PTPRO: variants seen among roughly 807,000 people sequenced by gnomAD.
PTPRO encodes the protein protein tyrosine phosphatase receptor type O.
Under a neutral mutation model 145.2 loss-of-function variants are expected in PTPRO, and 62 were observed. The observed-to-expected ratio is 0.43, with a 90% CI of 0.35 to 0.53. The LOEUF is 0.53. PTPRO is among the 20% of genes least tolerant of loss of function. The pLI is 0.01. For synonymous variants in PTPRO, 565 were observed against 514.7 expected (o/e 1.10, Z -1.32); for missense variants, 1,345 against 1,482.7 (o/e 0.91, Z 1.53).
chr12:15,509,372 C>T (rs201717105), intron 7 of PTPRO, among the ~76,000 whole-genome samples: 15,057 of 95,898 alleles, frequency 0.16, 1,359 homozygotes, highest in African/African-American at 0.3. Flanking sequence ...CGCATTCTTG[C>T]TGAAAAAAAA....
intron 15 of PTPRO, among the ~76,000 whole-genome samples, chr12:15,555,498 CT>C (rs1218496527): frequency 6.6e-6 from 1 of 152,104 alleles, no homozygotes. Flanking sequence ...ATAATTGCCC[CT>C]ATATTAGTGG....
chr12:15,524,774 C>A, intron 10 of PTPRO, 40 bp from the exon 11 acceptor site: 1 of 1,577,998 alleles, frequency 6.3e-7, no homozygotes, highest in South Asian at 1.1e-5. Context: ...TTTATTTATC[C>A]ATCTATTATA....
intron 12 of PTPRO, among the ~76,000 whole-genome samples, chr12:15,536,569 T>G (rs1222411641): frequency 6.6e-6 from 1 of 152,086 alleles, no homozygotes; most frequent in African/African-American, 2.4e-5. Context: ...AAAAGACACT[T>G]TCCTGTGAGT....
chr12:15,492,489 C>T (rs1942019618), intron 2 of PTPRO, among the ~76,000 whole-genome samples: 2 of 151,976 alleles, frequency 1.3e-5, no homozygotes, highest in South Asian at 4.1e-4. Context: ...AGGAGGATCC[C>T]TTGATTCCAG....
intron 1 of PTPRO, among the ~76,000 whole-genome samples, chr12:15,398,128 T>C (rs1195136480): frequency 6.6e-6 from 1 of 152,094 alleles, no homozygotes. Context: ...AAATCTAAAG[T>C]GGTCGTGATG....
At chr12:15,483,071 C>T (rs749994454) in intron 1 of PTPRO, among the ~76,000 whole-genome samples, 17 of 152,076 alleles carry the variant, frequency 1.1e-4, no homozygotes, top group Non-Finnish European at 2.1e-4. Context: ...GCAATTTTTC[C>T]ACCCTGCTAT....
chr12:15,490,666 T>G (rs1941982727), intron 2 of PTPRO, among the ~76,000 whole-genome samples: 1 of 152,152 alleles, frequency 6.6e-6, no homozygotes, highest in African/African-American at 2.4e-5. Context: ...GAGTGCCTAC[T>G]TGGTGGGGGC....
intron 1 of PTPRO, chr12:15,410,788 C>T (rs1389693793): frequency 6.6e-6 from 1 of 152,096 alleles, no homozygotes; most frequent in Non-Finnish European, 1.5e-5. Flanking sequence ...CCACAGTGTC[C>T]TTATTGAAGG....
chr12:15,387,819 G>A (rs1939071907), intron 1 of PTPRO, among the ~76,000 whole-genome samples: 1 of 152,154 alleles, frequency 6.6e-6, no homozygotes, highest in Non-Finnish European at 1.5e-5. Flanking sequence ...TTAAAAGAGT[G>A]GTCTTCAAAC....
At chr12:15,562,911 A>C (rs7974782) in intron 17 of PTPRO, among the ~76,000 whole-genome samples, 8,538 of 152,132 alleles carry the variant, frequency 0.056, 773 homozygotes, top group African/African-American at 0.19. Context: ...GATATAATAT[A>C]CTAAAGTCCT....
At chr12:15,363,753 G>A (rs1367378608) in intron 1 of PTPRO, among the ~76,000 whole-genome samples, 4 of 151,862 alleles carry the variant, frequency 2.6e-5, no homozygotes, top group Admixed American at 6.6e-5. Context: ...ATATGAATTC[G>A]AGGGACTTAC....
At chr12:15,430,901 A>T (rs1343618270) in intron 1 of PTPRO, among the ~76,000 whole-genome samples, 4 of 152,210 alleles carry the variant, frequency 2.6e-5, no homozygotes, top group Admixed American at 1.3e-4. Flanking sequence ...AGCACTCTGA[A>T]GCTGAATTCA....
chr12:15,453,029 T>C (rs886487493), intron 1 of PTPRO, among the ~76,000 whole-genome samples: 2 of 152,194 alleles, frequency 1.3e-5, no homozygotes, highest in Non-Finnish European at 2.9e-5. Context: ...ATCCCTTTTT[T>C]TTTCTTGGTA....
At position 15,563,538 on chromosome 12, in the gene PTPRO, T is replaced by G. The variant is rs550856524; in HGVS notation, c.2712-2055T>G. Among the ~76,000 whole-genome samples, 29 of 152,026 alleles carry G rather than the reference T, an allele frequency of 1.9e-4. 1 individual carries two copies. Among genetic ancestry groups the G allele is most frequent in the Non-Finnish European group, 3.4e-4 (23 of 67,984 alleles). On this transcript the variant is annotated intron_variant, in intron 17 of 26. Transcript: ENST00000281171. ...AATCAGCAAGATCTAAATAGAACAATGAAAATTGTATACAAATCATGATTA... is the reference window on the plus strand; with the variant it reads ...AATCAGCAAGATCTAAATAGAACAAGGAAAATTGTATACAAATCATGATTA...
chr12:15,410,799 A>T (rs1455982116), intron 1 of PTPRO: 1 of 152,230 alleles, frequency 6.6e-6, no homozygotes, highest in Non-Finnish European at 1.5e-5. Flanking sequence ...TTATTGAAGG[A>T]GTGACTTACT....
At chr12:15,578,994 C>A in intron 20 of PTPRO, 51 bp downstream of exon 20, 4 of 1,438,508 alleles carry the variant, frequency 2.8e-6, no homozygotes, top group Non-Finnish European at 3.9e-6. Flanking sequence ...GGTTGAAGGA[C>A]TGTCATTGCA....
At chr12:15,386,406 C>T (rs1052754732) in intron 1 of PTPRO, among the ~76,000 whole-genome samples, 2 of 151,876 alleles carry the variant, frequency 1.3e-5, no homozygotes, top group Admixed American at 6.6e-5. Context: ...AGCAGTTAAC[C>T]AGTAGAATAC....
intron 1 of PTPRO, among the ~76,000 whole-genome samples, chr12:15,450,369 C>CTTCCTGTG (rs1433837285): frequency 1.3e-5 from 2 of 152,230 alleles, no homozygotes; most frequent in Non-Finnish European, 1.5e-5. Flanking sequence ...CTTTTGGTTT[C>CTTCCTGTG]TAGCCCTTCA....
chr12:15,349,971 T>C (rs1441607134), intron 1 of PTPRO, among the ~76,000 whole-genome samples: 1 of 152,166 alleles, frequency 6.6e-6, no homozygotes, highest in Non-Finnish European at 1.5e-5. Flanking sequence ...AAAGTTAAGC[T>C]TCGGATGAAT....
Sources: allele counts gnomAD v4.1 joint callset (sites outside exome capture counted in the v4.1 genomes callset), GRCh38; gene constraint gnomAD v4.1.1; transcripts MANE v1.5; gene names NCBI Gene and HGNC (gene_info 2026-07-23, HGNC 2026-07-21).